Variants in DOCK4 observed in about 807,000 individuals in gnomAD.
DOCK4 encodes the protein dedicator of cytokinesis protein 4.
In DOCK4, 97 loss-of-function variants were observed where a neutral mutation model predicts 268.1. The observed-to-expected ratio is 0.36, with a 90% CI of 0.31 to 0.43. The LOEUF is 0.43. DOCK4 is among the 20% of genes least tolerant of loss of function. DOCK4 has a pLI of 1.00. For missense variants in DOCK4, 2,145 were observed against 2,455.7 expected (o/e 0.87, Z 2.67); for synonymous variants, 954 against 887.2 (o/e 1.08, Z -1.34).
intron 1 of DOCK4, among the ~76,000 whole-genome samples, chr7:112,152,689 G>T (rs1298014572): frequency 1.3e-5 from 2 of 152,060 alleles, no homozygotes; most frequent in Non-Finnish European, 2.9e-5. Flanking sequence ...GTCTTGCTAT[G>T]TTGCTGAGGC....
At chr7:112,030,696 G>C (rs1440842805) in intron 1 of DOCK4, among the ~76,000 whole-genome samples, 1 of 152,098 alleles carries the variant, frequency 6.6e-6, no homozygotes, top group Non-Finnish European at 1.5e-5. Context: ...CGAAAGCCTA[G>C]AGCCACATGG....
chr7:111,804,584 C>T (rs1301106484), intron 30 of DOCK4, among the ~76,000 whole-genome samples: 1 of 151,912 alleles, frequency 6.6e-6, no homozygotes, highest in Non-Finnish European at 1.5e-5. Context: ...AGTTAGAATG[C>T]ACATTTATTT....
At chr7:111,797,727 C>A (rs765356474) in intron 30 of DOCK4, among the ~76,000 whole-genome samples, 43 of 152,048 alleles carry the variant, frequency 2.8e-4, no homozygotes, top group Middle Eastern at 3.2e-3. Flanking sequence ...AAAATGAGGG[C>A]CAAACCTCTT....
intron 1 of DOCK4, among the ~76,000 whole-genome samples, chr7:112,058,895 GA>G (rs1806098072): frequency 6.6e-6 from 1 of 152,124 alleles, no homozygotes; most frequent in South Asian, 2.1e-4. Context: ...AAAGAAGAAG[GA>G]AAAGCTCTTG....
At chr7:111,934,036 G>A (rs114045384) in intron 12 of DOCK4, among the ~76,000 whole-genome samples, 1,875 of 152,242 alleles carry the variant, frequency 0.012, 46 homozygotes, top group African/African-American at 0.043. Context: ...AGGTGATCTG[G>A]ACTGCAACAA....
intron 7 of DOCK4, among the ~76,000 whole-genome samples, chr7:111,983,854 G>GCACACACACACACACA (rs57739762): frequency 4.5e-5 from 4 of 87,958 alleles, no homozygotes; most frequent in African/African-American, 1.6e-4. Flanking sequence ...ACGCGCGCGC[G>GCACACACACACACACA]CGCGCGCGCA....
chr7:112,021,469 T>G (rs1465291362), intron 1 of DOCK4, among the ~76,000 whole-genome samples: 1 of 151,736 alleles, frequency 6.6e-6, no homozygotes, highest in Non-Finnish European at 1.5e-5. Flanking sequence ...ATTTCATCCA[T>G]AGCTCTACAC....
chr7:112,139,848 C>T (rs979567368), intron 1 of DOCK4, among the ~76,000 whole-genome samples: 1 of 152,092 alleles, frequency 6.6e-6, no homozygotes, highest in African/African-American at 2.4e-5. Context: ...GACTACAGGC[C>T]TTCACTGAAT....
At chr7:111,842,019 T>C (rs150284809) in intron 25 of DOCK4, among the ~76,000 whole-genome samples, 7 of 152,346 alleles carry the variant, frequency 4.6e-5, no homozygotes, top group African/African-American at 1.7e-4. Context: ...TTTCAAACTA[T>C]GTAAGTTATA....
Position 111,868,071 on chromosome 7 carries a change from G to A in DOCK4, c.2193C>T (p.Phe731=), listed in dbSNP as rs747429393. 6.2e-7 allele frequency: 1 copy of A among 1,613,662 alleles called. No homozygotes were observed. Among genetic ancestry groups the A allele is most frequent in the Non-Finnish European group, 8.5e-7 (1 of 1,179,710 alleles). Residue 731 remains phenylalanine (F), a synonymous_variant, in exon 22 of 53, where the codon TTC becomes TTT. Transcript: ENST00000428084. ...LATGGQNEEE[F]RCCIQELLMS... ...TGAGAAGCTCCTGAATGCAGCAGCG[G>A]AACTCCTCTTCGTTTTGCCCACCAG...
chr7:111,915,580 C>A (rs148894488), intron 13 of DOCK4, among the ~76,000 whole-genome samples, 199 bp downstream of exon 13: 49 of 152,024 alleles, frequency 3.2e-4, no homozygotes, highest in African/African-American at 1.1e-3. Flanking sequence ...AAAGTTTATA[C>A]AAAAGGAAAT....
intron 22 of DOCK4, among the ~76,000 whole-genome samples, chr7:111,866,481 C>CT (rs1282036267): frequency 6.6e-6 from 1 of 152,116 alleles, no homozygotes; most frequent in Non-Finnish European, 1.5e-5. Context: ...AAGCTGAGAG[C>CT]AAAAAATATC....
Position 111,728,252 on chromosome 7 carries a change from C to A in DOCK4, c.*22G>T. 6.9e-7 allele frequency: 1 copy of A among 1,457,380 alleles called. No individual in the cohort carries two copies. The highest frequency in any genetic ancestry group is 9.1e-7 in the Non-Finnish European group (1 of 1,102,304). 90.3% of individuals were successfully genotyped at this position (1,457,380 alleles called of 1,614,324 possible). A position where few individuals can be genotyped will look rare whatever the true frequency, so the allele number is the denominator to read the frequency against. On this transcript the variant is annotated 3_prime_UTR_variant, in exon 53 of 53. Coordinates refer to ENST00000428084, the MANE Select transcript of DOCK4 (RefSeq NM_001363540.2). ...TTTTGTAAACGGGCAAAGAATGCAT[C>A]GCAGGTACATAGAAAAGTGACTTAT...
chr7:111,872,617 C>T (rs1806518226), intron 17 of DOCK4, 53 bp from the exon 18 acceptor site: 1 of 1,426,854 alleles, frequency 7.0e-7, no homozygotes, highest in South Asian at 1.3e-5. Flanking sequence ...CAGGTCCTCA[C>T]ATGAAAGCGT....
intron 1 of DOCK4, among the ~76,000 whole-genome samples, chr7:112,160,881 C>T (rs2729558): frequency 2.8e-4 from 42 of 152,168 alleles, no homozygotes; most frequent in African/African-American, 8.4e-4. Flanking sequence ...AATATTTTCA[C>T]GGGCTAACAT....
At chr7:111,884,612 G>A (rs1807683461) in intron 16 of DOCK4, among the ~76,000 whole-genome samples, 1 of 152,162 alleles carries the variant, frequency 6.6e-6, no homozygotes, top group Non-Finnish European at 1.5e-5. Flanking sequence ...GGTATATGGA[G>A]CTGAAATAAT....
intron 10 of DOCK4, among the ~76,000 whole-genome samples, chr7:111,944,297 T>C (rs1420968658): frequency 6.6e-6 from 1 of 152,210 alleles, no homozygotes. Flanking sequence ...TTAGGACTTC[T>C]CAGACCCTTT....
chr7:112,140,077 GAAC>G (rs1430871420), intron 1 of DOCK4, among the ~76,000 whole-genome samples: 4 of 152,064 alleles, frequency 2.6e-5, no homozygotes, highest in Admixed American at 2.6e-4. Flanking sequence ...AACCAAGATG[GAAC>G]AACACAGGTC....
chr7:111,741,514 G>T lies in DOCK4; in HGVS notation c.4919+26C>A, dbSNP rs761611515. The T allele has an allele frequency of 9.9e-6, 16 of 1,609,130 alleles. No homozygotes were observed. The African/African-American group carries it at 1.5e-4, about 15-fold the overall frequency. On this transcript the variant is annotated intron_variant, in intron 46 of 52. Coordinates refer to ENST00000428084, the MANE Select transcript of DOCK4 (RefSeq NM_001363540.2). Reference sequence around the variant, plus strand: ...ATCAGCTTGCGGGTGAGGCCAAATTGTAAGATAATTTGGAATATGACTTAC... The same window carrying T: ...ATCAGCTTGCGGGTGAGGCCAAATTTTAAGATAATTTGGAATATGACTTAC...
Sources: allele counts gnomAD v4.1 joint callset (sites outside exome capture counted in the v4.1 genomes callset), GRCh38; gene constraint gnomAD v4.1.1; transcripts MANE v1.5; gene names NCBI Gene and HGNC (gene_info 2026-07-23, HGNC 2026-07-21).